The following PCDHGA8 variants were observed in gnomAD, a reference collection of about 807,000 sequenced individuals.
PCDHGA8 encodes protocadherin gamma subfamily A, 8, also known as protocadherin gamma-A8.
Under a neutral mutation model 59.2 loss-of-function variants are expected in PCDHGA8, and 45 were observed. That is an observed-to-expected ratio of 0.76 (90% CI 0.60 to 0.98). The LOEUF is 0.98. Among genes scored for constraint, PCDHGA8 ranks in the 50% least tolerant of loss-of-function variants. PCDHGA8 has a pLI of 0.00. For missense variants in PCDHGA8, 1,257 were observed against 1,196.2 expected (o/e 1.05, Z -0.75); for synonymous variants, 531 against 519.0 (o/e 1.02, Z -0.32).
At chr5:141,434,609 G>A (rs189866750) in intron 1 of PCDHGA8, among the ~76,000 whole-genome samples, 11 of 152,064 alleles carry the variant, frequency 7.2e-5, no homozygotes, top group Non-Finnish European at 1.3e-4. Context: ...CTTTATTTCC[G>A]CCCATCTCTT....
In PCDHGA8 at chr5:141,472,879, G is replaced by A. The variant is rs541980402; in HGVS notation, c.2425-21928G>A. Among the ~76,000 whole-genome samples the A allele has an allele frequency of 3.3e-5, 5 of 151,694 alleles. No homozygotes were observed. The South Asian group carries it at 6.2e-4, about 19-fold the overall frequency. ...CACATGCCTGTATTCCCAGCTACTC[G>A]GGAGGCTGAGGCAGGAGAATTGCTT... On this transcript the variant is annotated intron_variant, in intron 1 of 3. Coordinates refer to ENST00000398604, the MANE Select transcript of PCDHGA8 (RefSeq NM_032088.2).
intron 3 of PCDHGA8, among the ~76,000 whole-genome samples, chr5:141,510,373 T>TC (rs112437269): frequency 0.25 from 37,727 of 151,394 alleles, 4,765 homozygotes; most frequent in Admixed American, 0.33. Context: ...GAATCTCTAC[T>TC]CGTGCCAGGC....
chr5:141,450,006 C>CTTTT (rs1554136305), intron 1 of PCDHGA8, among the ~76,000 whole-genome samples: 4 of 132,984 alleles, frequency 3.0e-5, no homozygotes, highest in South Asian at 2.3e-4. Flanking sequence ...TGCCATGTCT[C>CTTTT]TTTTTTTTTT....
chr5:141,423,170 A>G, intron 1 of PCDHGA8: 8 of 1,613,504 alleles, frequency 5.0e-6, no homozygotes, highest in Non-Finnish European at 6.8e-6. Context: ...GTGGCCGTCC[A>G]GGACCACGGC....
Position 141,431,592 on chromosome 5 carries a change from G to A in PCDHGA8, c.2424+36355G>A, listed in dbSNP as rs1429358254. 2.5e-6 allele frequency: 4 copies of A among 1,614,100 alleles called. No individual in the cohort carries two copies. The Admixed American group carries it at 6.7e-5, about 27-fold the overall frequency. The stretch of plus-strand genomic sequence containing the variant: ...GACGAAGGAGTCAATGCGGAAGTGA[G>A]GTATTCCTTCCGGTATGTGGACGAC... On this transcript the variant is annotated intron_variant, in intron 1 of 3. Transcript: ENST00000398604. The surrounding 1 kb of genome is among the most constrained non-coding windows in gnomAD (Gnocchi z 4.8).
At chr5:141,409,986 A>G (rs995773112) in intron 1 of PCDHGA8, 27 of 1,612,796 alleles carry the variant, frequency 1.7e-5, no homozygotes, top group Non-Finnish European at 2.2e-5. Context: ...GTAGCGGTGG[A>G]CGCCGACTCG....
rs754537015 is a variant in PCDHGA8 at position 141,431,184 on chromosome 5, T to C, written c.2424+35947T>C. The C allele has an allele frequency of 2.5e-6, 4 of 1,614,090 alleles. No individual in the cohort carries two copies. In the South Asian group the frequency reaches 3.3e-5, roughly 13 times the overall value. ...CGTGAAAGTGAATTAGAAATAAAAATTAGTGAAAATGCAGCCACTGAGATG... is the reference window on the plus strand; with the variant it reads ...CGTGAAAGTGAATTAGAAATAAAAACTAGTGAAAATGCAGCCACTGAGATG... On this transcript the variant is annotated intron_variant, in intron 1 of 3. Coordinates refer to ENST00000398604, the MANE Select transcript of PCDHGA8 (RefSeq NM_032088.2). This position sits in a 1 kb window ranked among gnomAD's most constrained non-coding sequence, Gnocchi z 4.8.
At chr5:141,427,692 C>A in intron 1 of PCDHGA8, 1 of 903,150 alleles carries the variant, frequency 1.1e-6, no homozygotes, top group Non-Finnish European at 1.8e-6. Context: ...AGCCTCCATC[C>A]CACAAGTCAG....
chr5:141,480,371 C>T (rs1562080299), intron 1 of PCDHGA8, among the ~76,000 whole-genome samples: 1 of 151,908 alleles, frequency 6.6e-6, no homozygotes, highest in African/African-American at 2.4e-5. Flanking sequence ...GCTGTGATTG[C>T]ACCACTACAC....
intron 1 of PCDHGA8, among the ~76,000 whole-genome samples, chr5:141,464,912 T>A (rs1303305860): frequency 2.6e-5 from 4 of 152,092 alleles, no homozygotes; most frequent in Non-Finnish European, 5.9e-5. Context: ...CTAATTTTTT[T>A]ATTTTTTTGT....
At chr5:141,412,527 A>G (rs1017506409) in intron 1 of PCDHGA8, 3 of 152,186 alleles carry the variant, frequency 2.0e-5, no homozygotes, top group Admixed American at 1.3e-4. Context: ...AGTAGTTACA[A>G]TTATAAAGCT....
rs1167791830 is a variant in PCDHGA8 at position 141,420,032 on chromosome 5, G to A, written c.2424+24795G>A. 6.2e-7 allele frequency: 1 copy of A among 1,613,956 alleles called. No individual in the cohort carries two copies. Among genetic ancestry groups the A allele is most frequent in the Non-Finnish European group, 8.5e-7 (1 of 1,179,920 alleles). ...ACAGTCTTTCAGCCCTACTGCAGGA[G>A]ACTGCTTTGAGTCAGTTCTCTGCTC... On this transcript the variant is annotated intron_variant, in intron 1 of 3. Coordinates refer to ENST00000398604, the MANE Select transcript of PCDHGA8 (RefSeq NM_032088.2).
In PCDHGA8 at chr5:141,489,198, C is replaced by G; in HGVS notation, c.2425-5609C>G. 1 of 1,392,402 alleles carries G rather than the reference C, an allele frequency of 7.2e-7. No individual in the cohort carries two copies. Among genetic ancestry groups the G allele is most frequent in the South Asian group, 1.4e-5 (1 of 71,348 alleles). The allele number at this position is 1,392,402 out of a possible 1,614,324, so 86.3% of individuals were successfully genotyped here. A position where few individuals can be genotyped will look rare whatever the true frequency, so the allele number is the denominator to read the frequency against. On this transcript the variant is annotated intron_variant, in intron 1 of 3. Coordinates refer to ENST00000398604, the MANE Select transcript of PCDHGA8 (RefSeq NM_032088.2). This position sits in a 1 kb window ranked among gnomAD's most constrained non-coding sequence, Gnocchi z 4.5. ...CCAAGCCCTGGGTCTACCTTGGAGA[C>G]AGGACAGCACAGACTTACTCTCCAC...
At chr5:141,427,945 A>G (rs747625541) in intron 1 of PCDHGA8, 22 of 1,586,364 alleles carry the variant, frequency 1.4e-5, no homozygotes, top group Middle Eastern at 1.7e-4. Flanking sequence ...GGCGACCTCA[A>G]TGACAATGTG....
rs200931939 is a variant in PCDHGA8, at chr5:141,423,096, C to T, written c.2424+27859C>T. On this transcript the variant is annotated intron_variant, in intron 1 of 3. Transcript: ENST00000398604. Reference sequence around the variant, plus strand: ...CGGGACTCTTCGCGGTGGGGGAGCACACGGGCGAGGTGCGTACAGCGCGGG... The same window carrying T: ...CGGGACTCTTCGCGGTGGGGGAGCATACGGGCGAGGTGCGTACAGCGCGGG... The T allele has an allele frequency of 3.8e-5, 61 of 1,613,974 alleles. No individual in the cohort carries two copies. In the East Asian group the frequency reaches 1.3e-3, roughly 35 times the overall value.
chr5:141,494,491 T>C (rs2099754727), intron 1 of PCDHGA8, among the ~76,000 whole-genome samples: 1 of 152,150 alleles, frequency 6.6e-6, no homozygotes, highest in Admixed American at 6.5e-5. Context: ...AGAAGATGCC[T>C]TCAGTCCTTG....
chr5:141,409,177 T>A (rs1272833119), intron 1 of PCDHGA8: 1 of 1,613,944 alleles, frequency 6.2e-7, no homozygotes, highest in Non-Finnish European at 8.5e-7. Context: ...AGGACGGAGG[T>A]GGTCTCTCTA....
At chr5:141,415,573 G>A (rs375863243) in intron 1 of PCDHGA8, 68 of 1,613,906 alleles carry the variant, frequency 4.2e-5, no homozygotes, top group Non-Finnish European at 1.2e-5. Flanking sequence ...TTTGTTAGAT[G>A]ATTCGAAGTT....
At chr5:141,467,582 TGCCATTTATTAA>T (rs2099146610) in intron 1 of PCDHGA8, among the ~76,000 whole-genome samples, 2 of 152,216 alleles carry the variant, frequency 1.3e-5, no homozygotes, top group Non-Finnish European at 1.5e-5. Context: ...GTTGTCCCAA[TGCCATTTATTAA>T]GCACTTCATC....
Sources: allele counts gnomAD v4.1 joint callset (sites outside exome capture counted in the v4.1 genomes callset), GRCh38; gene constraint gnomAD v4.1.1; non-coding constraint Gnocchi (gnomAD v3.1); transcripts MANE v1.5; gene names NCBI Gene and HGNC (gene_info 2026-07-23, HGNC 2026-07-21).